KCNMB2: variants seen among roughly 807,000 people sequenced by gnomAD.
KCNMB2 encodes calcium-activated potassium channel subunit beta-2.
A neutral mutation model predicts 24.5 loss-of-function variants in KCNMB2; 9 were observed. The ratio of observed to expected loss-of-function variants is 0.37; its 90% CI spans 0.22 to 0.64. The LOEUF (loss-of-function observed/expected upper bound fraction) is 0.64, where lower values mean the gene tolerates loss of function less well. KCNMB2 is among the 30% of genes least tolerant of loss of function. The pLI, the probability that KCNMB2 is intolerant of heterozygous loss-of-function variation, is 0.63. For missense variants in KCNMB2, 226 were observed against 284.3 expected, an observed-to-expected ratio of 0.79 and a Z score of 1.47; for synonymous variants, 109 against 104.4, an observed-to-expected ratio of 1.04 and a Z score of -0.27.
At chr3:178,704,861 G>T (rs1432097069) in intron 1 of KCNMB2, among the ~76,000 whole-genome samples, 4 of 152,016 alleles carry the variant, frequency 2.6e-5, no homozygotes, top group African/African-American at 9.7e-5. Context: ...ATATTTGAAT[G>T]GCCAAGATAT....
In KCNMB2 at chr3:178,786,126, G is replaced by A. The variant is rs1056504858; in HGVS notation, c.-67-21217G>A. ...CTTTGTCCTATTGGCAAAAAGAAAG[G>A]GCTGAATGACTCAGTTTCAGGCTGA... On this transcript the variant is annotated intron_variant, in intron 1 of 4. Transcript: ENST00000452583. 5.3e-5 allele frequency among the ~76,000 whole-genome samples: 8 copies of A among 152,224 alleles called. No homozygotes were observed. The East Asian group carries it at 9.6e-4, about 18-fold the overall frequency.
chr3:178,842,041 A>T (rs560342992), intron 4 of KCNMB2, among the ~76,000 whole-genome samples: 2 of 152,166 alleles, frequency 1.3e-5, no homozygotes, highest in Non-Finnish European at 2.9e-5. Flanking sequence ...GGTCTGACCC[A>T]CTCATCTCAG....
chr3:178,841,956 T>G (rs1247456882), intron 4 of KCNMB2, among the ~76,000 whole-genome samples: 1 of 152,218 alleles, frequency 6.6e-6, no homozygotes, highest in Admixed American at 6.5e-5. Context: ...ACTGTTTTAT[T>G]CTTCCTTGGC....
chr3:178,701,318 C>T lies in KCNMB2; in HGVS notation c.-67-106025C>T, dbSNP rs573849400. 2.6e-5 allele frequency among the ~76,000 whole-genome samples: 4 copies of T among 152,222 alleles called. No individual in the cohort carries two copies. In the South Asian group the frequency reaches 8.3e-4, roughly 32 times the overall value. ...TCTGTTCTGTTCCATTAGTCTATAT[C>T]TCTGTTTTGGTACCAGTACCATGCT... On this transcript the variant is annotated intron_variant, in intron 1 of 4. Coordinates refer to ENST00000452583, the MANE Select transcript of KCNMB2 (RefSeq NM_181361.3).
At chr3:178,806,686 A>AATC (rs2108451630) in intron 1 of KCNMB2, among the ~76,000 whole-genome samples, 1 of 39,600 alleles carries the variant, frequency 2.5e-5, no homozygotes. Context: ...GCCAAGTCAT[A>AATC]ATAATAATAA....
At chr3:178,801,055 A>G (rs556730610) in intron 1 of KCNMB2, among the ~76,000 whole-genome samples, 2 of 152,192 alleles carry the variant, frequency 1.3e-5, no homozygotes, top group African/African-American at 4.8e-5. Context: ...GAGGGAGAAA[A>G]TGAGAATGGT....
chr3:178,629,801 T>G (rs903626622), intron 1 of KCNMB2, among the ~76,000 whole-genome samples: 1 of 152,214 alleles, frequency 6.6e-6, no homozygotes, highest in Non-Finnish European at 1.5e-5. Flanking sequence ...CAACCAGAAG[T>G]TTCCAAATGG....
intron 1 of KCNMB2, among the ~76,000 whole-genome samples, chr3:178,626,475 T>C (rs1291119829): frequency 6.6e-6 from 1 of 152,270 alleles, no homozygotes; most frequent in East Asian, 1.9e-4. Context: ...GCATAATTTA[T>C]AAAGAAAGAA....
intron 1 of KCNMB2, among the ~76,000 whole-genome samples, chr3:178,663,434 C>T (rs560184191): frequency 3.2e-4 from 49 of 152,182 alleles, no homozygotes; most frequent in Non-Finnish European, 5.4e-4. Flanking sequence ...AAGAAAAATT[C>T]CCATAATGTT....
At chr3:178,808,219 G>A (rs1483778240) in intron 2 of KCNMB2, among the ~76,000 whole-genome samples, 1 of 152,118 alleles carries the variant, frequency 6.6e-6, no homozygotes. Context: ...GGTTTAGGGA[G>A]TAAATGTATT....
At chr3:178,622,924 A>G (rs559730064) in intron 1 of KCNMB2, among the ~76,000 whole-genome samples, 80 of 152,358 alleles carry the variant, frequency 5.3e-4, no homozygotes, top group Non-Finnish European at 9.8e-4. Flanking sequence ...AGCCCAGTTA[A>G]CCAGGAGAAT....
chr3:178,622,317 G>A (rs969252940), intron 1 of KCNMB2, among the ~76,000 whole-genome samples: 3 of 152,160 alleles, frequency 2.0e-5, no homozygotes, highest in Non-Finnish European at 4.4e-5. Flanking sequence ...ATGAAAAGCT[G>A]AGTACACAGA....
At chr3:178,577,986 T>A (rs1717057382) in intron 1 of KCNMB2, among the ~76,000 whole-genome samples, 1 of 152,140 alleles carries the variant, frequency 6.6e-6, no homozygotes, top group African/African-American at 2.4e-5. Flanking sequence ...TTCCCCAACC[T>A]AGCAAGGCAG....
intron 1 of KCNMB2, among the ~76,000 whole-genome samples, chr3:178,579,090 C>T (rs1039135140): frequency 1.3e-5 from 2 of 152,138 alleles, no homozygotes; most frequent in African/African-American, 4.8e-5. Context: ...AGAACCGCAA[C>T]ATGCTTATTC....
chr3:178,671,814 C>T (rs1720908512), intron 1 of KCNMB2, among the ~76,000 whole-genome samples: 1 of 152,108 alleles, frequency 6.6e-6, no homozygotes, highest in Non-Finnish European at 1.5e-5. Flanking sequence ...TATCTATGTG[C>T]TCTAGCTTAA....
Position 178,843,024 on chromosome 3 carries a change from G to A in KCNMB2, c.*87G>A. ...CCAAAGAACCTTAAGTTTGTAACGT[G>A]CAGTCTGTTATGAGTTCCCTAATAT... On this transcript the variant is annotated 3_prime_UTR_variant, in exon 5 of 5. Transcript: ENST00000452583. 1 of 1,150,680 alleles carries A rather than the reference G, an allele frequency of 8.7e-7. No homozygotes were observed. 71.3% of individuals were successfully genotyped at this position (1,150,680 alleles called of 1,614,324 possible).
intron 1 of KCNMB2, among the ~76,000 whole-genome samples, chr3:178,634,461 A>C (rs528560102): frequency 1.3e-5 from 2 of 152,260 alleles, no homozygotes; most frequent in East Asian, 3.9e-4. Flanking sequence ...GGCAGCAAGG[A>C]GAAGAGCCAA....
intron 1 of KCNMB2, among the ~76,000 whole-genome samples, chr3:178,595,702 C>A (rs146371210): frequency 1.3e-5 from 2 of 152,220 alleles, no homozygotes; most frequent in Admixed American, 1.3e-4. Context: ...TTTCCTGAGG[C>A]CTCCCCAGCC....
In KCNMB2 at chr3:178,765,357, A is replaced by G. The variant is rs954062470; in HGVS notation, c.-67-41986A>G. On this transcript the variant is annotated intron_variant, in intron 1 of 4. Coordinates refer to ENST00000452583, the MANE Select transcript of KCNMB2 (RefSeq NM_181361.3). ...AAGATATGGGGTGAGTGTCTGCAAG[A>G]ATACTTACTACAGCCTGGCTCATTT... 5.3e-5 allele frequency among the ~76,000 whole-genome samples: 8 copies of G among 152,328 alleles called. No individual in the cohort carries two copies. In the East Asian group the frequency reaches 1.5e-3, roughly 29 times the overall value.
Sources: allele counts gnomAD v4.1 joint callset (sites outside exome capture counted in the v4.1 genomes callset), GRCh38; gene constraint gnomAD v4.1.1; transcripts MANE v1.5; gene names NCBI Gene and HGNC (gene_info 2026-07-23, HGNC 2026-07-21).